Variants in GAB4 observed in about 807,000 individuals in gnomAD.
GAB4 encodes the protein GRB2-associated-binding protein 4.
A neutral mutation model predicts 51.3 loss-of-function variants in GAB4; 26 were observed. That is an observed-to-expected ratio of 0.51 (90% confidence interval 0.37 to 0.70). The LOEUF (loss-of-function observed/expected upper bound fraction) is 0.70, where lower values mean the gene tolerates loss of function less well. Among genes scored for constraint, GAB4 ranks in the 30% least tolerant of loss-of-function variants. GAB4 has a pLI of 0.00. For synonymous variants in GAB4, 329 were observed against 291.2 expected (o/e 1.13, Z -1.32); for missense variants, 759 against 734.6 (o/e 1.03, Z -0.38).
At chr22:16,964,198 C>A (rs2060652612) in intron 8 of GAB4, among the ~76,000 whole-genome samples, 1 of 152,188 alleles carries the variant, frequency 6.6e-6, no homozygotes. Flanking sequence ...CAGGGTCCCG[C>A]AGCCTCCTCT....
chr22:17,001,343 T>C (rs2060996035), intron 1 of GAB4, among the ~76,000 whole-genome samples: 1 of 152,214 alleles, frequency 6.6e-6, no homozygotes, highest in Non-Finnish European at 1.5e-5. Flanking sequence ...TGTTTCTTTT[T>C]ACTCTTTTTT....
intron 1 of GAB4, among the ~76,000 whole-genome samples, chr22:17,004,315 C>T (rs2061021857): frequency 1.3e-5 from 2 of 152,152 alleles, no homozygotes; most frequent in African/African-American, 2.4e-5. Context: ...GGACTCCTCC[C>T]TAACTCATTT....
At chr22:16,962,982 C>T in intron 9 of GAB4, 106 bp from the exon 10 acceptor site, 2 of 1,041,804 alleles carry the variant, frequency 1.9e-6, no homozygotes, top group Non-Finnish European at 2.8e-6. Context: ...GGGGAAGGAA[C>T]CTCTGCCTCC....
intron 1 of GAB4, among the ~76,000 whole-genome samples, chr22:17,002,417 T>C (rs1213574971): frequency 1.3e-5 from 2 of 152,154 alleles, no homozygotes; most frequent in Admixed American, 1.3e-4. Flanking sequence ...CCACCAGGCC[T>C]GCCTTACAAG....
intron 1 of GAB4, among the ~76,000 whole-genome samples, chr22:16,994,124 A>C (rs5994123): frequency 6.6e-6 from 1 of 152,048 alleles, no homozygotes; most frequent in Non-Finnish European, 1.5e-5. Flanking sequence ...CAGTTTTTCT[A>C]CCCTCTTTAC....
At chr22:16,964,500 G>T (rs1016000958) in intron 8 of GAB4, among the ~76,000 whole-genome samples, 5 of 152,170 alleles carry the variant, frequency 3.3e-5, no homozygotes, top group African/African-American at 1.2e-4. Context: ...CCAGGGCAGG[G>T]CACCACCTGT....
At position 16,966,597 on chromosome 22, in the gene GAB4, G is replaced by C. The variant is rs2060678023; in HGVS notation, c.1024-233C>G. The C allele has an allele frequency of 7.4e-6, 4 of 539,790 alleles. No individual in the cohort carries two copies. The South Asian group carries it at 7.7e-5, about 10-fold the overall frequency. 33.4% of individuals were successfully genotyped at this position (539,790 alleles called of 1,614,324 possible). ...GGGCAGCCTCAGGGGTCAGACTTTG[G>C]AGCAGCTTCCATGACACAGTCAACA... On this transcript the variant is annotated intron_variant, in intron 5 of 9. Coordinates refer to ENST00000400588, the MANE Select transcript of GAB4 (RefSeq NM_001037814.1).
intron 4 of GAB4, among the ~76,000 whole-genome samples, chr22:16,968,691 A>T (rs185073645): frequency 5.8e-4 from 89 of 152,308 alleles, no homozygotes; most frequent in Admixed American, 1.4e-3. Flanking sequence ...ACCTCCAGGA[A>T]TAGTAAAGAG....
intron 2 of GAB4, among the ~76,000 whole-genome samples, chr22:16,991,195 T>C (rs1228815088): frequency 6.6e-6 from 1 of 151,944 alleles, no homozygotes; most frequent in Non-Finnish European, 1.5e-5. Context: ...CCCAAGAGAT[T>C]CCTGGGTAAC....
chr22:16,984,924 T>G (rs1047891137), intron 3 of GAB4, among the ~76,000 whole-genome samples: 3 of 152,212 alleles, frequency 2.0e-5, no homozygotes, highest in Non-Finnish European at 2.9e-5. Flanking sequence ...GGCCCCACTG[T>G]GCTGCTTTGT....
At position 16,962,759 on chromosome 22, in the gene GAB4, C is replaced by G. The variant is rs1284793763; in HGVS notation, c.1699G>C (p.Glu567Gln). 6.2e-7 allele frequency: 1 copy of G among 1,612,898 alleles called. No individual in the cohort carries two copies. Among genetic ancestry groups the G allele is most frequent in the African/African-American group, 1.3e-5 (1 of 74,940 alleles). The change falls in exon 10 of 10, where the codon GAG (glutamate) becomes CAG (glutamine). Residue 567 changes from glutamate (E) to glutamine (Q), a missense_variant. Around this residue, in one of 3 missense-constraint regions of GAB4, gnomAD observed 588 missense variants for 510.2 expected, o/e 1.15. Coordinates refer to ENST00000400588, the MANE Select transcript of GAB4 (RefSeq NM_001037814.1). ...HEQMCLRQSS[E>Q]PPRGAKL is the part of the protein sequence containing the mutation. Reference sequence around the variant, plus strand: ...CACAGCTTGGCGCCCCTGGGAGGCTCTGAGGACTGCCGCAGGCACATCTGT... The same window carrying G: ...CACAGCTTGGCGCCCCTGGGAGGCTGTGAGGACTGCCGCAGGCACATCTGT...
chr22:16,963,316 C>T (rs1038292430), intron 9 of GAB4, among the ~76,000 whole-genome samples: 3 of 152,202 alleles, frequency 2.0e-5, no homozygotes, highest in Non-Finnish European at 4.4e-5. Flanking sequence ...TGTGCTTTCT[C>T]GGGAGGCTTT....
Position 16,966,193 on chromosome 22 carries a change from G to C in GAB4, c.1195C>G (p.Pro399Ala), listed in dbSNP as rs778490206. Residue 399 changes from proline to alanine, a missense_variant, in exon 6 of 10, where the codon CCA becomes GCA. Physicochemically the swap from Pro to Ala is conservative, Grantham distance 27. Transcript: ENST00000400588. ...CLVRFDLLGS[P>A]LTELSMHQDL... Reference sequence around the variant, plus strand: ...TGGTGCATAGAAAGCTCTGTGAGTGGGGAGCCAAGCAGGTCAAAGCGAACA... The same window carrying C: ...TGGTGCATAGAAAGCTCTGTGAGTGCGGAGCCAAGCAGGTCAAAGCGAACA... 7.4e-6 allele frequency: 12 copies of C among 1,614,068 alleles called. No homozygotes were observed. Among genetic ancestry groups the C allele is most frequent in the Non-Finnish European group, 1.0e-5 (12 of 1,179,986 alleles).
Position 16,962,833 on chromosome 22 carries a change from A to G in GAB4, c.1625T>C (p.Val542Ala). 6.2e-7 allele frequency: 1 copy of G among 1,613,692 alleles called. No individual in the cohort carries two copies. Among genetic ancestry groups the G allele is most frequent in the Non-Finnish European group, 8.5e-7 (1 of 1,179,856 alleles). ...CTGGGTCTTCTCCAGATCCACCTGG[A>G]CATAGTCCACCTTCTTGCCGGACGT... ...SVTSGKKVDY[V>A]QVDLEKTQAL... is the part of the protein sequence containing the mutation. The change falls in exon 10 of 10, where the codon GTC becomes GCC. Residue 542 changes from valine (V) to alanine (A), a missense_variant. Val to Ala is a moderately conservative substitution (Grantham distance 64). Transcript: ENST00000400588.
Position 16,991,157 on chromosome 22 carries a change from C to T in GAB4, c.478+716G>A, listed in dbSNP as rs546308489. 4.0e-4 allele frequency among the ~76,000 whole-genome samples: 60 copies of T among 151,784 alleles called. 1 individual carries two copies. Among genetic ancestry groups the T allele is most frequent in the African/African-American group, 1.5e-3 (60 of 41,376 alleles). ...AAAAAGTGGGAAAGAGTGGAGCTTC[C>T]AAAAGACACTAATGCCTGGGTCCAC... On this transcript the variant is annotated intron_variant, in intron 2 of 9. Transcript: ENST00000400588.
Position 17,008,053 on chromosome 22 carries a change from G to A in GAB4, c.62C>T (p.Pro21Leu), listed in dbSNP as rs1227455985. 2.5e-6 allele frequency: 4 copies of A among 1,608,666 alleles called. No individual in the cohort carries two copies. The African/African-American group carries it at 4.0e-5, about 16-fold the overall frequency. ...GCCACTTCCGGGCCACGAAGACAAAGGCGCAAATGCCGGGTCAGGTGGGCA... is the reference window on the plus strand; with the variant it reads ...GCCACTTCCGGGCCACGAAGACAAAAGCGCAAATGCCGGGTCAGGTGGGCA... ...ELCPPDPAFA[P>L]LSSWPGSGPA... The change falls in exon 1 of 10, where the codon CCT (proline) becomes CTT (leucine). Residue 21 changes from proline to leucine, a missense_variant. By Grantham distance (98) the Pro-to-Leu change is moderately conservative (BLOSUM62 -3). Coordinates refer to ENST00000400588, the MANE Select transcript of GAB4 (RefSeq NM_001037814.1).
chr22:16,972,254 G>A (rs766982664), intron 3 of GAB4, among the ~76,000 whole-genome samples: 26 of 152,330 alleles, frequency 1.7e-4, no homozygotes, highest in Middle Eastern at 3.4e-3. Context: ...ATGAGCACAC[G>A]GCTGCAGACA....
At chr22:16,977,079 A>G (rs1224239213) in intron 3 of GAB4, among the ~76,000 whole-genome samples, 1 of 152,240 alleles carries the variant, frequency 6.6e-6, no homozygotes, top group African/African-American at 2.4e-5. Context: ...ACCAAAATGT[A>G]GAGACCATCA....
intron 3 of GAB4, among the ~76,000 whole-genome samples, chr22:16,976,157 T>G (rs1463180654): frequency 1.3e-5 from 2 of 152,214 alleles, no homozygotes; most frequent in African/African-American, 4.8e-5. Flanking sequence ...GGAACAAAAC[T>G]GCACAGAGAA....
Sources: gnomAD v4.1 joint callset for allele counts (sites outside exome capture counted in the v4.1 genomes callset) on GRCh38, gnomAD v4.1.1 for gene constraint, gnomAD v4.1.1 regional missense constraint, MANE v1.5 for transcripts, NCBI Gene and HGNC (gene_info 2026-07-23, HGNC 2026-07-21) for gene names.